Variants in SGMS2 observed in about 807,000 individuals in gnomAD.
SGMS2 encodes the protein sphingomyelin synthase 2.
Under a neutral mutation model 43.8 loss-of-function variants are expected in SGMS2, and 21 were observed. The ratio of observed to expected loss-of-function variants is 0.48; its 90% CI spans 0.34 to 0.69. The LOEUF (loss-of-function observed/expected upper bound fraction) is 0.69. Ranked by LOEUF, SGMS2 falls within the 30% of genes least tolerant of loss-of-function variation. The pLI is 0.01. For synonymous variants in SGMS2, 167 were observed against 160.6 expected (o/e 1.04, Z -0.30); for missense variants, 384 against 443.2 (o/e 0.87, Z 1.20).
chr4:107,879,827 T>TA (rs147562404), intron 2 of SGMS2, among the ~76,000 whole-genome samples: 10,512 of 152,230 alleles, frequency 0.069, 455 homozygotes, highest in Admixed American at 0.12. Context: ...GTTTTAAGGG[T>TA]AAAATGAAAT....
intron 3 of SGMS2, among the ~76,000 whole-genome samples, chr4:107,899,305 C>T (rs1730927725): frequency 6.6e-6 from 1 of 151,954 alleles, no homozygotes; most frequent in Admixed American, 6.6e-5. Flanking sequence ...TCCCCCACCC[C>T]ACACACACAC....
chr4:107,866,268 T>TA (rs200854795), intron 2 of SGMS2, among the ~76,000 whole-genome samples: 7 of 151,350 alleles, frequency 4.6e-5, no homozygotes, highest in Non-Finnish European at 7.4e-5. Context: ...AATACCAAGT[T>TA]AAAAAAAAAC....
At chr4:107,905,098 A>C (rs1731442123) in intron 5 of SGMS2, among the ~76,000 whole-genome samples, 1 of 152,212 alleles carries the variant, frequency 6.6e-6, no homozygotes, top group African/African-American at 2.4e-5. Context: ...TAACTGTATT[A>C]GTCTGTTTTC....
chr4:107,906,195 T>C (rs1178281813), intron 5 of SGMS2, among the ~76,000 whole-genome samples: 2 of 152,206 alleles, frequency 1.3e-5, no homozygotes, highest in South Asian at 2.1e-4. Context: ...CATTTATATA[T>C]ATATTTTTTT....
intron 1 of SGMS2, among the ~76,000 whole-genome samples, chr4:107,846,648 C>A (rs1315448531): frequency 1.2e-4 from 18 of 151,638 alleles, no homozygotes; most frequent in Admixed American, 7.2e-4. Flanking sequence ...TGGCTGGGTC[C>A]AATGGTATTT....
intron 2 of SGMS2, chr4:107,873,563 TTA>T (rs1369515019): frequency 6.6e-6 from 1 of 151,656 alleles, no homozygotes; most frequent in Non-Finnish European, 1.5e-5. Flanking sequence ...ATAATCAAAA[TTA>T]TATTTTATAT....
At chr4:107,853,879 T>A (rs886420072) in intron 1 of SGMS2, among the ~76,000 whole-genome samples, 3 of 152,172 alleles carry the variant, frequency 2.0e-5, no homozygotes, top group African/African-American at 7.2e-5. Context: ...AAATGCGGTC[T>A]GGAATGGTCA....
Position 107,910,620 on chromosome 4 carries a change from GTTTT to G in SGMS2, c.*70_*73del. 1 of 1,482,080 alleles carries G rather than the reference GTTTT, an allele frequency of 6.7e-7. No individual in the cohort carries two copies. 91.8% of individuals were successfully genotyped at this position (1,482,080 alleles called of 1,614,324 possible). A position where few individuals can be genotyped will look rare whatever the true frequency, so the allele number is the denominator to read the frequency against. On this transcript the variant is annotated 3_prime_UTR_variant, in exon 7 of 7. Coordinates refer to ENST00000690982, the MANE Select transcript of SGMS2 (RefSeq NM_001375905.1). ...ACGCTGTAACCAAAGGTATAGTTTTGTTTTTTATTTTAGGAGAACTGACTGGTAA... is the reference window on the plus strand; with the variant it reads ...ACGCTGTAACCAAAGGTATAGTTTTGTTATTTTAGGAGAACTGACTGGTAA...
Position 107,912,275 on chromosome 4 carries a change from CTT to C in SGMS2, c.*1724_*1725del, listed in dbSNP as rs1166884623. On this transcript the variant is annotated 3_prime_UTR_variant, in exon 7 of 7. Transcript: ENST00000690982. ...GAATTTAAAGTCATGAAGCAAGACT[CTT>C]TAATTCAGTTATTTTAAACAAGAAT... is the stretch of plus-strand genomic sequence containing the variant. 6.6e-5 allele frequency: 10 copies of C among 152,294 alleles called. No homozygotes were observed. Among genetic ancestry groups the C allele is most frequent in the African/African-American group, 2.4e-4 (10 of 41,558 alleles). The allele number at this position is 152,294 out of a possible 1,614,324, so 9.4% of individuals were successfully genotyped here.
chr4:107,903,217 T>C lies in SGMS2; in HGVS notation c.574-16T>C. ...CCACTTGTAAATTCCCTTCTTAATC[T>C]TCTTGTGTCATTCAGCTCAATGGAG... On this transcript the variant is annotated splice_polypyrimidine_tract_variant and intron_variant, in intron 4 of 6. Coordinates refer to ENST00000690982, the MANE Select transcript of SGMS2 (RefSeq NM_001375905.1). The C allele has an allele frequency of 6.2e-7, 1 of 1,613,494 alleles. No individual in the cohort carries two copies. The highest frequency in any genetic ancestry group is 1.1e-5 in the South Asian group (1 of 91,072).
At chr4:107,903,964 G>A (rs1731344231) in intron 5 of SGMS2, among the ~76,000 whole-genome samples, 1 of 152,148 alleles carries the variant, frequency 6.6e-6, no homozygotes, top group Non-Finnish European at 1.5e-5. Context: ...AATAAGAAAT[G>A]TGGTGGCAAG....
chr4:107,827,470 A>G (rs931899571), intron 1 of SGMS2, among the ~76,000 whole-genome samples: 5 of 152,192 alleles, frequency 3.3e-5, no homozygotes, highest in Admixed American at 1.3e-4. Context: ...TTAGGCCGTC[A>G]TAGGCTGCCT....
chr4:107,833,571 AT>A (rs1206946755), intron 1 of SGMS2, among the ~76,000 whole-genome samples: 1 of 152,226 alleles, frequency 6.6e-6, no homozygotes, highest in Non-Finnish European at 1.5e-5. Flanking sequence ...GCACAAAATT[AT>A]TTAGAACATA....
intron 2 of SGMS2, chr4:107,886,885 G>A (rs1185251473): frequency 1.3e-5 from 2 of 151,854 alleles, no homozygotes; most frequent in African/African-American, 2.4e-5. Flanking sequence ...ATTGCTGTAA[G>A]TTAAGAATAC....
chr4:107,852,053 A>G (rs1727177782), intron 1 of SGMS2, among the ~76,000 whole-genome samples: 1 of 151,860 alleles, frequency 6.6e-6, no homozygotes, highest in Non-Finnish European at 1.5e-5. Flanking sequence ...GATATGAAAC[A>G]ATGTGCTTGT....
chr4:107,854,235 A>G (rs1317746964), intron 1 of SGMS2, among the ~76,000 whole-genome samples: 4 of 152,236 alleles, frequency 2.6e-5, no homozygotes, highest in Non-Finnish European at 5.9e-5. Flanking sequence ...TCTTCCATGT[A>G]CAATATGGGA....
intron 1 of SGMS2, among the ~76,000 whole-genome samples, chr4:107,827,181 A>G (rs1455555731): frequency 1.3e-5 from 2 of 152,238 alleles, no homozygotes; most frequent in Non-Finnish European, 2.9e-5. Context: ...GGACAGTTTT[A>G]GACTAAACAA....
intron 1 of SGMS2, among the ~76,000 whole-genome samples, chr4:107,832,960 T>C (rs76924489): frequency 0.044 from 6,686 of 152,240 alleles, 182 homozygotes; most frequent in African/African-American, 0.064. Context: ...CCTGGGAGGC[T>C]GAGGCTGCAG....
At chr4:107,826,514 A>G (rs1011481341) in intron 1 of SGMS2, among the ~76,000 whole-genome samples, 3 of 152,238 alleles carry the variant, frequency 2.0e-5, no homozygotes, top group Non-Finnish European at 4.4e-5. Context: ...ATTTACAGGA[A>G]GAAAGGACGT....
Sources: allele counts gnomAD v4.1 joint callset (sites outside exome capture counted in the v4.1 genomes callset), GRCh38; gene constraint gnomAD v4.1.1; transcripts MANE v1.5; gene names NCBI Gene and HGNC (gene_info 2026-07-23, HGNC 2026-07-21).